The following NUDT3 variants were observed in gnomAD, a reference collection of about 807,000 sequenced individuals.
NUDT3 encodes the protein nudix hydrolase 3, also known as diphosphoinositol polyphosphate phosphohydrolase 1.
Under a neutral mutation model 23.6 loss-of-function variants are expected in NUDT3, and 9 were observed. That is an observed-to-expected ratio of 0.38 (90% CI 0.23 to 0.66). The LOEUF is 0.66. NUDT3 is among the 30% of genes least tolerant of loss of function. The pLI, the probability that NUDT3 is intolerant of heterozygous loss-of-function variation, is 0.52. For missense variants in NUDT3, 172 were observed against 218.5 expected (o/e 0.79, Z 1.34); for synonymous variants, 86 against 82.6 (o/e 1.04, Z -0.22).
intron 2 of NUDT3, among the ~76,000 whole-genome samples, chr6:34,313,267 C>T (rs1763803366): frequency 1.3e-5 from 2 of 152,096 alleles, no homozygotes; most frequent in South Asian, 2.1e-4. Flanking sequence ...AGGCTACATA[C>T]TGTATATTCC....
chr6:34,364,161 T>C (rs937737815), intron 1 of NUDT3, among the ~76,000 whole-genome samples: 1 of 152,332 alleles, frequency 6.6e-6, no homozygotes, highest in East Asian at 1.9e-4. Context: ...GGGCTGTTTT[T>C]ATCTACCTCT....
chr6:34,367,586 G>A (rs185443576), intron 1 of NUDT3, among the ~76,000 whole-genome samples: 4 of 151,704 alleles, frequency 2.6e-5, no homozygotes, highest in East Asian at 1.9e-4. Context: ...CATAAGTACC[G>A]TCCAGCATGA....
chr6:34,326,998 G>A (rs181316662), intron 2 of NUDT3, among the ~76,000 whole-genome samples: 10 of 152,124 alleles, frequency 6.6e-5, no homozygotes, highest in Admixed American at 2.6e-4. Context: ...AAAACAGCTG[G>A]GCCCGGGGGG....
chr6:34,350,599 T>G (rs1490816269), intron 1 of NUDT3, among the ~76,000 whole-genome samples: 3 of 150,850 alleles, frequency 2.0e-5, no homozygotes, highest in Non-Finnish European at 4.4e-5. Context: ...TTGCTGAAAG[T>G]AAATCAATAA....
rs773252234 is a variant in NUDT3, at chr6:34,288,797, T to C, written c.475A>G (p.Thr159Ala). ...GAGCTCTGAGCAGAAACCGAGTATG[T>C]GGTGGCCACGACTGGGGTGCCATTG... Reference protein sequence around the residue: ...ANNGTPVVATTYSVSAQSSMS... With the variant: ...ANNGTPVVATAYSVSAQSSMS... The change falls in exon 5 of 5, where the codon ACA becomes GCA. Residue 159 changes from threonine (T) to alanine (A), a missense_variant. By Grantham distance (58) the Thr-to-Ala change is moderately conservative. This residue lies in a region of NUDT3 where 63 missense variants were observed against 64.9 expected (regional missense o/e 0.97). Transcript: ENST00000607016. 3 of 1,613,924 alleles carry C rather than the reference T, an allele frequency of 1.9e-6. No homozygotes were observed. The highest frequency in any genetic ancestry group is 2.5e-6 in the Non-Finnish European group (3 of 1,179,982).
At chr6:34,329,898 T>A (rs1332171179) in intron 2 of NUDT3, among the ~76,000 whole-genome samples, 1 of 152,060 alleles carries the variant, frequency 6.6e-6, no homozygotes, top group Non-Finnish European at 1.5e-5. Context: ...TAACATGTGG[T>A]GTTTGGTTTT....
At chr6:34,324,918 C>T (rs990292332) in intron 2 of NUDT3, among the ~76,000 whole-genome samples, 2 of 152,284 alleles carry the variant, frequency 1.3e-5, no homozygotes, top group Admixed American at 6.5e-5. Context: ...GAATTACACT[C>T]GGCCACGTGA....
intron 2 of NUDT3, among the ~76,000 whole-genome samples, chr6:34,298,567 T>C (rs1763550635): frequency 6.6e-6 from 1 of 152,150 alleles, no homozygotes; most frequent in African/African-American, 2.4e-5. Flanking sequence ...ATTTCAGTGG[T>C]ATTTTTCACT....
chr6:34,297,760 A>AT (rs1348385184), intron 2 of NUDT3, among the ~76,000 whole-genome samples: 28 of 53,624 alleles, frequency 5.2e-4, no homozygotes, highest in East Asian at 4.4e-3. Flanking sequence ...TATATATATA[A>AT]TTTTTTTTTT....
At position 34,360,074 on chromosome 6, in the gene NUDT3, A is replaced by G. The variant is rs182918102; in HGVS notation, c.100-18102T>C. On this transcript the variant is annotated intron_variant, in intron 1 of 4. Coordinates refer to ENST00000607016, the MANE Select transcript of NUDT3 (RefSeq NM_006703.4). Reference sequence around the variant, plus strand: ...AAAACCCCATCTCTACAAAAAATACAAGAATTTAGCCAGGCATGGTGACAC... The same window carrying G: ...AAAACCCCATCTCTACAAAAAATACGAGAATTTAGCCAGGCATGGTGACAC... Among the ~76,000 whole-genome samples the G allele has an allele frequency of 3.4e-3, 519 of 151,986 alleles. 5 individuals are homozygous for G. The highest frequency in any genetic ancestry group is 7.6e-3 in the Admixed American group (116 of 15,260).
At chr6:34,389,318 T>G (rs1206969128) in intron 1 of NUDT3, among the ~76,000 whole-genome samples, 1 of 152,254 alleles carries the variant, frequency 6.6e-6, no homozygotes, top group Non-Finnish European at 1.5e-5. Flanking sequence ...TCTCTCCTGC[T>G]GCCTTGTGAA....
At chr6:34,319,310 T>G (rs1763905905) in intron 2 of NUDT3, among the ~76,000 whole-genome samples, 1 of 152,184 alleles carries the variant, frequency 6.6e-6, no homozygotes, top group South Asian at 2.1e-4. Flanking sequence ...CCCTCCTTCC[T>G]ACCAGTCACA....
chr6:34,350,108 A>C (rs1764444679), intron 1 of NUDT3, among the ~76,000 whole-genome samples: 1 of 150,858 alleles, frequency 6.6e-6, no homozygotes, highest in African/African-American at 2.5e-5. Flanking sequence ...GAAAAAAAAG[A>C]AAAGAAATTA....
intron 1 of NUDT3, among the ~76,000 whole-genome samples, chr6:34,387,595 G>C (rs1347378225): frequency 6.6e-6 from 1 of 151,290 alleles, no homozygotes; most frequent in Non-Finnish European, 1.5e-5. Flanking sequence ...AGCTGCTTGG[G>C]AGGCTGAGGT....
intron 2 of NUDT3, among the ~76,000 whole-genome samples, chr6:34,311,805 C>T (rs927426927): frequency 1.3e-5 from 2 of 152,030 alleles, no homozygotes; most frequent in East Asian, 1.9e-4. Flanking sequence ...GGAATAAGAA[C>T]GATACAATGG....
chr6:34,335,256 G>A (rs949502083), intron 2 of NUDT3, among the ~76,000 whole-genome samples: 2 of 152,218 alleles, frequency 1.3e-5, no homozygotes, highest in Admixed American at 6.5e-5. Flanking sequence ...ATGTTATGGA[G>A]TTTTGATGAA....
At chr6:34,379,170 T>A (rs969733023) in intron 1 of NUDT3, among the ~76,000 whole-genome samples, 1 of 152,194 alleles carries the variant, frequency 6.6e-6, no homozygotes, top group South Asian at 2.1e-4. Flanking sequence ...TCAGTATTTG[T>A]TTAGTTTTCA....
At chr6:34,318,466 C>T (rs1763893174) in intron 2 of NUDT3, among the ~76,000 whole-genome samples, 2 of 152,104 alleles carry the variant, frequency 1.3e-5, no homozygotes, top group Non-Finnish European at 2.9e-5. Context: ...CGTTTTTGTA[C>T]ATTTTATTTT....
rs369657705 is a variant in NUDT3 at position 34,385,424 on chromosome 6, T to C, written c.99+6840A>G. 1.2e-4 allele frequency among the ~76,000 whole-genome samples: 19 copies of C among 152,346 alleles called. No individual in the cohort carries two copies. In the East Asian group the frequency reaches 3.3e-3, roughly 26 times the overall value. On this transcript the variant is annotated intron_variant, in intron 1 of 4. Coordinates refer to ENST00000607016, the MANE Select transcript of NUDT3 (RefSeq NM_006703.4). ...ATATTATTAGCAAATAAATCTTTTATATGTATATAAACATGTAGTTATTTG... is the reference window on the plus strand; with the variant it reads ...ATATTATTAGCAAATAAATCTTTTACATGTATATAAACATGTAGTTATTTG...
Sources: gnomAD v4.1 joint callset for allele counts (sites outside exome capture counted in the v4.1 genomes callset) on GRCh38, gnomAD v4.1.1 for gene constraint, gnomAD v4.1.1 regional missense constraint, MANE v1.5 for transcripts, NCBI Gene and HGNC (gene_info 2026-07-23, HGNC 2026-07-21) for gene names.